The following ZC3H12B variants were observed in gnomAD, a reference collection of about 807,000 sequenced individuals.
The protein encoded by ZC3H12B is probable ribonuclease ZC3H12B.
ZC3H12B carries 7 observed loss-of-function variants against 43.9 expected under a neutral mutation model. That is an observed-to-expected ratio of 0.16 (90% confidence interval 0.09 to 0.30). The LOEUF is 0.30. ZC3H12B is among the 10% of genes least tolerant of loss of function. The pLI is 1.00. For missense variants in ZC3H12B, 475 were observed against 670.2 expected (o/e 0.71, Z 3.22); for synonymous variants, 222 against 241.7 (o/e 0.92, Z 0.76).
the ZC3H12B span, among the ~76,000 whole-genome samples, chrX:65,182,050 A>T: frequency 3.6e-5 from 4 of 111,925 alleles, no homozygotes; most frequent in South Asian, 1.5e-3. Context: ...GGCACATGTA[A>T]ACCATGGAAT....
the ZC3H12B span, among the ~76,000 whole-genome samples, chrX:65,149,738 TGGGCCACA>T: frequency 1.9e-5 from 2 of 105,267 alleles, no homozygotes; most frequent in Non-Finnish European, 3.9e-5. Flanking sequence ...CACTGCAGCC[TGGGCCACA>T]GAGTGAGACT....
chrX:65,190,690 G>A, the ZC3H12B span, among the ~76,000 whole-genome samples: 1 of 110,270 alleles, frequency 9.1e-6, no homozygotes, highest in South Asian at 3.9e-4. Flanking sequence ...ATCTTCAGGA[G>A]ATTTTGGGCT....
chrX:65,443,899 C>T (rs1053940932), intron 3 of ZC3H12B, among the ~76,000 whole-genome samples: 4 of 112,497 alleles, frequency 3.6e-5, no homozygotes, highest in South Asian at 7.3e-4. Context: ...TGTGTTCTTA[C>T]AGGTAAAATG....
the ZC3H12B span, among the ~76,000 whole-genome samples, chrX:65,161,126 C>T: frequency 9.0e-6 from 1 of 111,271 alleles, no homozygotes; most frequent in Non-Finnish European, 1.9e-5. Context: ...GTCTGAGAGA[C>T]ACTTTGTTAT....
the ZC3H12B span, among the ~76,000 whole-genome samples, chrX:65,225,476 C>A: frequency 8.9e-6 from 1 of 112,581 alleles, no homozygotes; most frequent in East Asian, 2.8e-4. Context: ...GTCTCTCCTC[C>A]TCCAAAGGAA....
At chrX:65,491,384 A>C (rs1446328313) in intron 1 of ZC3H12B, among the ~76,000 whole-genome samples, 3 of 111,536 alleles carry the variant, frequency 2.7e-5, no homozygotes, top group Non-Finnish European at 5.6e-5. Context: ...TCATAATATC[A>C]CACAGTATTA....
At chrX:65,292,580 A>G in the ZC3H12B span, among the ~76,000 whole-genome samples, 20 of 110,823 alleles carry the variant, frequency 1.8e-4, no homozygotes, top group Non-Finnish European at 3.6e-4. Flanking sequence ...GCACATATTT[A>G]CCTATGTAAC....
chrX:65,278,395 C>T, the ZC3H12B span, among the ~76,000 whole-genome samples: 5 of 111,346 alleles, frequency 4.5e-5, no homozygotes, highest in Admixed American at 1.9e-4. Flanking sequence ...CACCCCTTTC[C>T]CAGAAAACTT....
At chrX:65,116,413 ATTT>A in the ZC3H12B span, among the ~76,000 whole-genome samples, 1 of 110,882 alleles carries the variant, frequency 9.0e-6, no homozygotes, top group East Asian at 2.9e-4. Flanking sequence ...CTATGTGCCT[ATTT>A]TTATACCAAT....
intron 2 of ZC3H12B, among the ~76,000 whole-genome samples, chrX:65,374,270 C>CTATATA (rs57169099): frequency 2.3e-4 from 18 of 78,793 alleles, no homozygotes; most frequent in African/African-American, 6.6e-4. Flanking sequence ...GTAATATATA[C>CTATATA]TATATATATA....
the ZC3H12B span, among the ~76,000 whole-genome samples, chrX:65,098,310 A>G: frequency 1.8e-5 from 2 of 110,911 alleles, no homozygotes; most frequent in Non-Finnish European, 3.8e-5. Flanking sequence ...ATAACAATCA[A>G]GAGATATTAA....
At chrX:65,406,524 T>C (rs1429027220) in intron 3 of ZC3H12B, among the ~76,000 whole-genome samples, 1 of 97,817 alleles carries the variant, frequency 1.0e-5, no homozygotes, top group Non-Finnish European at 2.0e-5. Context: ...ATAAAAGCTA[T>C]ATAGGGCTGC....
chrX:65,077,281 C>T, the ZC3H12B span, among the ~76,000 whole-genome samples: 193 of 112,002 alleles, frequency 1.7e-3, 3 homozygotes, highest in Middle Eastern at 0.041. Flanking sequence ...ACAAAAGCTA[C>T]TGGCACTGAG....
the ZC3H12B span, among the ~76,000 whole-genome samples, chrX:65,274,771 C>T: frequency 1.2e-3 from 128 of 111,077 alleles, 2 homozygotes; most frequent in African/African-American, 4.1e-3. Context: ...GGCCATGTGC[C>T]CCCAATAAGG....
At chrX:65,376,935 G>T (rs1305371596) in intron 2 of ZC3H12B, among the ~76,000 whole-genome samples, 1 of 110,968 alleles carries the variant, frequency 9.0e-6, no homozygotes, top group East Asian at 2.8e-4. Context: ...GGCACCAGGA[G>T]CCAGTCCAAG....
At position 65,450,712 on chromosome X, in the gene ZC3H12B, TATGTATAC is replaced by T. The variant is rs2067479485; in HGVS notation, n.408-37931_408-37924del. On this transcript the variant is annotated intron_variant and non_coding_transcript_variant, in intron 3 of 5. Coordinates refer to the ZC3H12B transcript ENST00000617377. Reference sequence around the variant, plus strand: ...ATGTATACATATGTGTATATATGTATATGTATACATATGTGTATATATGTATATATATA... The same window carrying T: ...ATGTATACATATGTGTATATATGTATATATGTGTATATATGTATATATATA... Among the ~76,000 whole-genome samples the T allele has an allele frequency of 1.6e-4, 6 of 37,961 alleles. 1 individual carries two copies. Among genetic ancestry groups the T allele is most frequent in the East Asian group, 1.9e-3 (2 of 1,054 alleles). The allele number at this position is 37,961 out of a possible 115,157, so 33.0% of individuals were successfully genotyped here. A position where few individuals can be genotyped will look rare whatever the true frequency, so the allele number is the denominator to read the frequency against.
At chrX:65,105,186 A>G in the ZC3H12B span, among the ~76,000 whole-genome samples, 1 of 110,228 alleles carries the variant, frequency 9.1e-6, no homozygotes, top group Non-Finnish European at 1.9e-5. Flanking sequence ...TTTTACTCAT[A>G]GGTGGGAGTT....
At chrX:65,204,911 T>A in the ZC3H12B span, among the ~76,000 whole-genome samples, 1 of 112,239 alleles carries the variant, frequency 8.9e-6, no homozygotes, top group African/African-American at 3.2e-5. Flanking sequence ...AGCTTTTATA[T>A]GAAAGCTTTG....
At chrX:65,073,205 C>T in the ZC3H12B span, among the ~76,000 whole-genome samples, 1 of 112,904 alleles carries the variant, frequency 8.9e-6, no homozygotes, top group Non-Finnish European at 1.9e-5. Context: ...CACACGCATG[C>T]ATGCACACAC....
Sources: gnomAD v4.1 joint callset for allele counts (sites outside exome capture counted in the v4.1 genomes callset) on GRCh38, gnomAD v4.1.1 for gene constraint, MANE v1.5 for transcripts, NCBI Gene and HGNC (gene_info 2026-07-23, HGNC 2026-07-21) for gene names.